Variants in OPCML observed in about 807,000 individuals in gnomAD.
The protein encoded by OPCML is opioid-binding protein/cell adhesion molecule.
A neutral mutation model predicts 37.8 loss-of-function variants in OPCML; 13 were observed. The observed-to-expected ratio is 0.34, with a 90% CI of 0.22 to 0.55. The LOEUF (loss-of-function observed/expected upper bound fraction) is 0.55. OPCML is among the 20% of genes least tolerant of loss of function. The pLI, the probability that OPCML is intolerant of heterozygous loss-of-function variation, is 0.91. For missense variants in OPCML, 341 were observed against 435.6 expected (o/e 0.78, Z 1.93); for synonymous variants, 176 against 168.8 (o/e 1.04, Z -0.33).
chr11:132,517,305 A>T (rs1224202311), intron 4 of OPCML, among the ~76,000 whole-genome samples: 1 of 152,174 alleles, frequency 6.6e-6, no homozygotes, highest in Non-Finnish European at 1.5e-5. Flanking sequence ...AATGGCTTTG[A>T]AAAGGGAACA....
At chr11:133,141,048 C>CGACGAAGACGAAGAAGAA (rs1949809660) in intron 1 of OPCML, among the ~76,000 whole-genome samples, 2 of 5,774 alleles carry the variant, frequency 3.5e-4, no homozygotes, top group African/African-American at 6.5e-4. Context: ...ACGACGACGA[C>CGACGAAGACGAAGAAGAA]GAAGAAGAAG....
At chr11:133,396,004 C>G (rs1412961997) in intron 1 of OPCML, among the ~76,000 whole-genome samples, 1 of 152,124 alleles carries the variant, frequency 6.6e-6, no homozygotes, top group Non-Finnish European at 1.5e-5. Flanking sequence ...ATTGATTCTT[C>G]CAGCCTATGA....
At chr11:132,739,779 C>G (rs1176118448) in intron 2 of OPCML, among the ~76,000 whole-genome samples, 1 of 152,170 alleles carries the variant, frequency 6.6e-6, no homozygotes, top group Non-Finnish European at 1.5e-5. Flanking sequence ...GAGCCCAAAG[C>G]TAGCTTATCA....
At chr11:132,622,728 G>C (rs1215149629) in intron 3 of OPCML, among the ~76,000 whole-genome samples, 1 of 152,202 alleles carries the variant, frequency 6.6e-6, no homozygotes, top group East Asian at 1.9e-4. Context: ...GCTGCTAAGA[G>C]AGTTCCCCAT....
At chr11:133,265,008 G>A (rs1385434827) in intron 1 of OPCML, among the ~76,000 whole-genome samples, 2 of 152,296 alleles carry the variant, frequency 1.3e-5, no homozygotes, top group Non-Finnish European at 2.9e-5. Flanking sequence ...GGGTCCTACC[G>A]AGAGGCCTCG....
rs68143578 is a variant in OPCML at position 132,441,165 on chromosome 11, GTTTTTT to G, written c.506-3812_506-3807del. On this transcript the variant is annotated intron_variant, in intron 4 of 7. Coordinates refer to ENST00000524381, the MANE Select transcript of OPCML (RefSeq NM_001012393.5). Reference sequence around the variant, plus strand: ...AGATGTGTTCACCAAGGACTTTTTTGTTTTTTTTTTTTTTTTTTTTGAGACGGAGTT... The same window carrying G: ...AGATGTGTTCACCAAGGACTTTTTTGTTTTTTTTTTTTTTGAGACGGAGTT... 5.5e-5 allele frequency among the ~76,000 whole-genome samples: 4 copies of G among 72,402 alleles called. No individual in the cohort carries two copies. The South Asian group carries it at 1.8e-3, about 33-fold the overall frequency. 47.5% of individuals were successfully genotyped at this position (72,402 alleles called of 152,430 possible).
rs1941694596 is a variant in OPCML, at chr11:132,849,373, G to A, written c.146+93553C>T. On this transcript the variant is annotated intron_variant, in intron 2 of 7. Coordinates refer to ENST00000524381, the MANE Select transcript of OPCML (RefSeq NM_001012393.5). Reference sequence around the variant, plus strand: ...CAACACATGTTATTGAGGACTAACTGTAGGCCCAGGCATTTTGGTAGGCAC... The same window carrying A: ...CAACACATGTTATTGAGGACTAACTATAGGCCCAGGCATTTTGGTAGGCAC... Among the ~76,000 whole-genome samples the A allele has an allele frequency of 2.0e-5, 3 of 152,192 alleles. No individual in the cohort carries two copies. In the South Asian group the frequency reaches 6.2e-4, roughly 32 times the overall value.
At chr11:132,632,959 A>G (rs1358452089) in intron 3 of OPCML, among the ~76,000 whole-genome samples, 1 of 151,602 alleles carries the variant, frequency 6.6e-6, no homozygotes, top group African/African-American at 2.4e-5. Context: ...AAAAAAAAAA[A>G]AAAACCATCC....
At chr11:132,651,758 G>A (rs763951653) in intron 3 of OPCML, among the ~76,000 whole-genome samples, 49 of 152,180 alleles carry the variant, frequency 3.2e-4, no homozygotes, top group Middle Eastern at 3.2e-3. Context: ...CTGACACCAG[G>A]CTAAGAGATG....
intron 4 of OPCML, among the ~76,000 whole-genome samples, chr11:132,507,016 G>A (rs188701538): frequency 1.1e-4 from 17 of 151,446 alleles, no homozygotes; most frequent in Non-Finnish European, 2.2e-4. Context: ...TTAAAAGGCT[G>A]AGCAAATGTA....
At chr11:132,499,256 G>A (rs1439323291) in intron 4 of OPCML, among the ~76,000 whole-genome samples, 1 of 152,218 alleles carries the variant, frequency 6.6e-6, no homozygotes, top group African/African-American at 2.4e-5. Flanking sequence ...GCAAAGAGCA[G>A]AGGAGCAGTC....
intron 1 of OPCML, among the ~76,000 whole-genome samples, chr11:133,455,024 CACTA>C (rs1946648071): frequency 6.6e-6 from 1 of 152,062 alleles, no homozygotes; most frequent in Admixed American, 6.6e-5. Flanking sequence ...AAGTTTGTCC[CACTA>C]ACTAACAATA....
chr11:132,856,056 C>A (rs1288651076), intron 2 of OPCML, among the ~76,000 whole-genome samples: 1 of 152,156 alleles, frequency 6.6e-6, no homozygotes, highest in Admixed American at 6.5e-5. Flanking sequence ...AGTGCTTTGA[C>A]TATAAGACAC....
At chr11:132,459,389 C>T (rs980289924) in intron 4 of OPCML, among the ~76,000 whole-genome samples, 2 of 136,944 alleles carry the variant, frequency 1.5e-5, no homozygotes, top group African/African-American at 5.5e-5. Flanking sequence ...CAATTCCTTT[C>T]TCTCTCTCTC....
At chr11:132,973,969 T>C (rs768447027) in intron 1 of OPCML, among the ~76,000 whole-genome samples, 11 of 151,940 alleles carry the variant, frequency 7.2e-5, no homozygotes, top group Non-Finnish European at 1.2e-4. Flanking sequence ...GTGGATCTGG[T>C]CTAGCCTGCC....
In OPCML at chr11:133,088,617, G is replaced by A. The variant is rs114514253; in HGVS notation, c.62-145607C>T. On this transcript the variant is annotated intron_variant, in intron 1 of 7. Transcript: ENST00000524381. ...CACTTGATATCAAGCTAAAACATGC[G>A]GTGGTTTCAGTTTAATTCAAATAGT... Among the ~76,000 whole-genome samples, 537 of 152,262 alleles carry A rather than the reference G, an allele frequency of 3.5e-3. 1 individual carries two copies. Among genetic ancestry groups the A allele is most frequent in the African/African-American group, 0.012 (487 of 41,550 alleles).
At chr11:132,546,929 C>A (rs1017384591) in intron 3 of OPCML, among the ~76,000 whole-genome samples, 1 of 152,204 alleles carries the variant, frequency 6.6e-6, no homozygotes, top group African/African-American at 2.4e-5. Context: ...GCCTGTGTGG[C>A]CCTACCTTCC....
At chr11:132,796,604 C>T (rs1290791487) in intron 2 of OPCML, among the ~76,000 whole-genome samples, 2 of 137,044 alleles carry the variant, frequency 1.5e-5, no homozygotes, top group Non-Finnish European at 3.1e-5. Context: ...TACGGAGCCT[C>T]GCTCTGTCAC....
intron 2 of OPCML, among the ~76,000 whole-genome samples, chr11:132,822,752 C>T (rs140554341): frequency 6.6e-6 from 1 of 152,318 alleles, no homozygotes; most frequent in Non-Finnish European, 1.5e-5. Flanking sequence ...TATGTTCACA[C>T]CCACAGCTCA....
Sources: gnomAD v4.1 joint callset for allele counts (sites outside exome capture counted in the v4.1 genomes callset) on GRCh38, gnomAD v4.1.1 for gene constraint, MANE v1.5 for transcripts, NCBI Gene and HGNC (gene_info 2026-07-23, HGNC 2026-07-21) for gene names.